Variants in SHROOM4 observed in about 807,000 individuals in gnomAD.
The protein encoded by SHROOM4 is shroom family member 4, also known as protein Shroom4.
SHROOM4 carries 17 observed loss-of-function variants against 80.3 expected under a neutral mutation model. That is an observed-to-expected ratio of 0.21 (90% CI 0.14 to 0.32). The LOEUF is 0.32. Ranked by LOEUF, SHROOM4 falls within the 10% of genes least tolerant of loss-of-function variation. The pLI, the probability that SHROOM4 is intolerant of heterozygous loss-of-function variation, is 1.00. For missense variants in SHROOM4, 993 were observed against 1,140.3 expected, an observed-to-expected ratio of 0.87 and a Z score of 1.86; for synonymous variants, 400 against 437.5, an observed-to-expected ratio of 0.91 and a Z score of 1.07.
downstream of SHROOM4, among the ~76,000 whole-genome samples, chrX:50,584,674 T>C (rs1557244623): frequency 9.0e-6 from 1 of 111,561 alleles, no homozygotes; most frequent in African/African-American, 3.3e-5. Context: ...CAATTCTATA[T>C]GGAAGGGGTG....
chrX:50,576,795 CTT>C, the SHROOM4 span, among the ~76,000 whole-genome samples: 1 of 111,706 alleles, frequency 9.0e-6, no homozygotes, highest in Non-Finnish European at 1.9e-5. Flanking sequence ...ACATAAATAA[CTT>C]ATCAATGTCT....
At chrX:50,717,217 G>T (rs1933978350) in intron 1 of SHROOM4, among the ~76,000 whole-genome samples, 2 of 111,409 alleles carry the variant, frequency 1.8e-5, no homozygotes, top group Non-Finnish European at 3.8e-5. Flanking sequence ...TAAAGCCATG[G>T]TTTTTTTGTT....
At chrX:50,800,433 C>T (rs1557272467) in intron 1 of SHROOM4, among the ~76,000 whole-genome samples, 1 of 111,789 alleles carries the variant, frequency 8.9e-6, no homozygotes, top group Non-Finnish European at 1.9e-5. Flanking sequence ...TACCCAAAGA[C>T]AGCTACTGGA....
intron 2 of SHROOM4, among the ~76,000 whole-genome samples, chrX:50,671,018 G>T (rs183211785): frequency 3.8e-4 from 43 of 112,106 alleles, no homozygotes; most frequent in African/African-American, 1.2e-3. Flanking sequence ...GAGTTAGCAG[G>T]CATGAAAATA....
intron 1 of SHROOM4, among the ~76,000 whole-genome samples, chrX:50,718,697 A>T (rs1199807460): frequency 4.5e-5 from 5 of 111,795 alleles, no homozygotes; most frequent in Non-Finnish European, 7.5e-5. Context: ...TTGGGGCACC[A>T]TGAAGTCAGG....
chrX:50,653,361 CTGTT>C (rs1360167532), intron 2 of SHROOM4, among the ~76,000 whole-genome samples: 2 of 111,400 alleles, frequency 1.8e-5, no homozygotes, highest in Non-Finnish European at 1.9e-5. Context: ...ATTTGGCTCT[CTGTT>C]TGTCTATTAT....
At chrX:50,777,435 G>A (rs1481854917) in intron 1 of SHROOM4, among the ~76,000 whole-genome samples, 1 of 112,164 alleles carries the variant, frequency 8.9e-6, no homozygotes, top group Non-Finnish European at 1.9e-5. Context: ...TTTCTACAAT[G>A]TTATTTATAA....
In SHROOM4 at chrX:50,695,927, C is replaced by A. The variant is rs200768578; in HGVS notation, c.128G>T (p.Gly43Val). The A allele has an allele frequency of 8.3e-7, 1 of 1,210,253 alleles. No individual in the cohort carries two copies. The highest frequency in any genetic ancestry group is 1.7e-5 in the African/African-American group (1 of 57,363). Residue 43 changes from glycine (G) to valine (V), a missense_variant, in exon 2 of 9, where the codon GGA becomes GTA. Physicochemically the swap from Gly to Val is moderately radical, Grantham distance 109. Coordinates refer to ENST00000376020, the MANE Select transcript of SHROOM4 (RefSeq NM_020717.5). ...EPLTVSKIED[G>V]GKAALSQKMR... is the part of the protein sequence containing the mutation. ...CTTCTGGGACAAAGCTGCCTTGCCT[C>A]CATCTTCAATCTGTGTTGCAGAGAA...
chrX:50,800,410 A>T (rs959874727), intron 1 of SHROOM4, among the ~76,000 whole-genome samples: 3 of 111,912 alleles, frequency 2.7e-5, no homozygotes, highest in African/African-American at 9.7e-5. Flanking sequence ...AACCAAACAC[A>T]AGACAGCCAA....
chrX:50,598,591 G>A, intron 7 of SHROOM4, 56 bp from the exon 8 acceptor site: 1 of 1,139,771 alleles, frequency 8.8e-7, no homozygotes, highest in Non-Finnish European at 1.2e-6. Context: ...AACAGAAACT[G>A]ATTTGTGCCT....
chrX:50,800,297 A>G (rs1394214936), intron 1 of SHROOM4, among the ~76,000 whole-genome samples: 7 of 112,072 alleles, frequency 6.2e-5, no homozygotes, highest in African/African-American at 2.3e-4. Flanking sequence ...CTTCTTACAT[A>G]TTATCTAAAC....
the SHROOM4 span, among the ~76,000 whole-genome samples, chrX:50,577,994 C>T: frequency 2.7e-5 from 3 of 112,020 alleles, no homozygotes; most frequent in Non-Finnish European, 5.6e-5. Flanking sequence ...GAATTATTAA[C>T]ATGTTCTGAG....
Position 50,592,493 on chromosome X carries a change from T to C in SHROOM4, c.*4202A>G. ...AGAACCAGGATTTGAACACAGTTCA[T>C]TCTAATGCCAAAGCTGGACTCTTTC... is the stretch of plus-strand genomic sequence containing the variant. On this transcript the variant is annotated 3_prime_UTR_variant, in exon 9 of 9. Transcript: ENST00000376020. The C allele has an allele frequency of 4.7e-6, 1 of 212,441 alleles. No individual in the cohort carries two copies. Among genetic ancestry groups the C allele is most frequent in the Non-Finnish European group, 8.6e-6 (1 of 116,007 alleles). 17.5% of individuals were successfully genotyped at this position (212,441 alleles called of 1,213,427 possible).
At position 50,601,553 on chromosome X, in the gene SHROOM4, A is replaced by T. The variant is rs782041415; in HGVS notation, c.3942+1080T>A. 2.7e-5 allele frequency among the ~76,000 whole-genome samples: 3 copies of T among 112,088 alleles called. No homozygotes were observed. The East Asian group carries it at 8.5e-4, about 32-fold the overall frequency. ...AGATGTCCACAAAGAAGGTAAATTG[A>T]GCCTTTGAGGTTGCCATGACAACCC... On this transcript the variant is annotated intron_variant, in intron 7 of 8. Coordinates refer to ENST00000376020, the MANE Select transcript of SHROOM4 (RefSeq NM_020717.5).
intron 1 of SHROOM4, among the ~76,000 whole-genome samples, chrX:50,706,931 G>A (rs1304471997): frequency 9.0e-6 from 1 of 111,412 alleles, no homozygotes; most frequent in Non-Finnish European, 1.9e-5. Flanking sequence ...CTCTGCCTTA[G>A]GAAGTTAATT....
At chrX:50,662,328 G>A (rs1476412135) in intron 2 of SHROOM4, among the ~76,000 whole-genome samples, 1 of 110,545 alleles carries the variant, frequency 9.0e-6, no homozygotes, top group Non-Finnish European at 1.9e-5. Context: ...GTGAAAGCCC[G>A]TCTCTGCTAA....
intron 1 of SHROOM4, among the ~76,000 whole-genome samples, chrX:50,701,687 T>A (rs959308921): frequency 8.9e-6 from 1 of 111,897 alleles, no homozygotes; most frequent in Non-Finnish European, 1.9e-5. Flanking sequence ...TAAATAAAAT[T>A]GTGTATACTG....
intron 2 of SHROOM4, among the ~76,000 whole-genome samples, chrX:50,694,927 T>C (rs1388054476): frequency 9.5e-6 from 1 of 105,153 alleles, no homozygotes; most frequent in Non-Finnish European, 1.9e-5. Flanking sequence ...GGTGTGTATA[T>C]ACGATAAAGA....
At chrX:50,794,432 C>T (rs1395677580) in intron 1 of SHROOM4, among the ~76,000 whole-genome samples, 2 of 109,008 alleles carry the variant, frequency 1.8e-5, no homozygotes, top group Non-Finnish European at 3.8e-5. Flanking sequence ...AACTCATTTA[C>T]AAAATACACA....
Sources: gnomAD v4.1 joint callset for allele counts (sites outside exome capture counted in the v4.1 genomes callset) on GRCh38, gnomAD v4.1.1 for gene constraint, MANE v1.5 for transcripts, NCBI Gene and HGNC (gene_info 2026-07-23, HGNC 2026-07-21) for gene names.